The following ZNF536 variants were observed in gnomAD, a reference collection of about 807,000 sequenced individuals.
The protein encoded by ZNF536 is zinc finger protein 536.
In ZNF536, 13 loss-of-function variants were observed where a neutral mutation model predicts 84.5. That is an observed-to-expected ratio of 0.15 (90% confidence interval 0.10 to 0.24). The LOEUF is 0.24. Among genes scored for constraint, ZNF536 ranks in the 10% least tolerant of loss-of-function variants. The pLI, the probability that ZNF536 is intolerant of heterozygous loss-of-function variation, is 1.00. For missense variants in ZNF536, 1,536 were observed against 1,747.5 expected, an observed-to-expected ratio of 0.88 and a Z score of 2.16; for synonymous variants, 811 against 742.5, an observed-to-expected ratio of 1.09 and a Z score of -1.50.
intron 1 of ZNF536, among the ~76,000 whole-genome samples, chr19:30,656,919 G>A (rs1040335259): frequency 3.9e-5 from 6 of 152,304 alleles, no homozygotes; most frequent in Non-Finnish European, 7.4e-5. Flanking sequence ...TGCTTTGAAG[G>A]CCTTTCTTTC....
intron 1 of ZNF536, among the ~76,000 whole-genome samples, chr19:30,612,818 C>T (rs559289106): frequency 1.4e-4 from 21 of 152,140 alleles, no homozygotes; most frequent in Non-Finnish European, 2.2e-4. Flanking sequence ...TGCAGTATTA[C>T]GAATTAATCT....
intron 2 of ZNF536, among the ~76,000 whole-genome samples, chr19:30,325,848 C>G (rs1289930735): frequency 1.3e-5 from 2 of 152,132 alleles, no homozygotes; most frequent in Non-Finnish European, 2.9e-5. Flanking sequence ...CTGGGCTGCC[C>G]GGCTGTGCCA....
intron 1 of ZNF536, among the ~76,000 whole-genome samples, chr19:30,265,918 C>T (rs1306761530): frequency 1.3e-5 from 2 of 151,762 alleles, no homozygotes; most frequent in East Asian, 1.9e-4. Flanking sequence ...AGAGACAGGG[C>T]CTTGATCTGT....
chr19:30,471,444 G>C (rs552400232), intron 2 of ZNF536, among the ~76,000 whole-genome samples: 1 of 152,362 alleles, frequency 6.6e-6, no homozygotes, highest in East Asian at 1.9e-4. Context: ...ACCAAATTCA[G>C]GGTGCTTTTA....
chr19:30,325,440 G>T (rs907250270), intron 2 of ZNF536, among the ~76,000 whole-genome samples: 2 of 152,206 alleles, frequency 1.3e-5, no homozygotes, highest in Non-Finnish European at 1.5e-5. Context: ...TCTGAGCCCA[G>T]TTTCTTCACA....
chr19:30,636,826 G>T (rs748545374), intron 1 of ZNF536, among the ~76,000 whole-genome samples: 1 of 152,178 alleles, frequency 6.6e-6, no homozygotes, highest in Non-Finnish European at 1.5e-5. Context: ...GGGGCAGGCC[G>T]TGTCTTCTCT....
intron 2 of ZNF536, among the ~76,000 whole-genome samples, chr19:30,511,190 C>T (rs1178446101): frequency 6.6e-6 from 1 of 152,142 alleles, no homozygotes; most frequent in Non-Finnish European, 1.5e-5. Context: ...CCTTCCTTCC[C>T]CCACCAGACA....
chr19:30,590,011 C>T (rs2047221788), intron 1 of ZNF536, among the ~76,000 whole-genome samples: 1 of 152,174 alleles, frequency 6.6e-6, no homozygotes, highest in Admixed American at 6.5e-5. Flanking sequence ...ATATTTAGAA[C>T]CAGCCCACTG....
intron 2 of ZNF536, among the ~76,000 whole-genome samples, chr19:30,481,370 C>T (rs1195525769): frequency 1.3e-5 from 2 of 152,182 alleles, no homozygotes; most frequent in Non-Finnish European, 2.9e-5. Context: ...GGCTTCTTCC[C>T]TGTCACTGGG....
chr19:30,354,951 G>A (rs2048045290), intron 3 of ZNF536, among the ~76,000 whole-genome samples: 1 of 152,202 alleles, frequency 6.6e-6, no homozygotes, highest in Admixed American at 6.5e-5. Flanking sequence ...GACTTTCAGA[G>A]TTTCCTGCTG....
chr19:30,686,108 C>T (rs542796363), intron 1 of ZNF536, among the ~76,000 whole-genome samples: 1 of 152,192 alleles, frequency 6.6e-6, no homozygotes, highest in Non-Finnish European at 1.5e-5. Context: ...CTCACGTTCT[C>T]AGCTTCTGCA....
chr19:30,433,101 T>C (rs1223545529), intron 1 of ZNF536, among the ~76,000 whole-genome samples: 2 of 152,228 alleles, frequency 1.3e-5, no homozygotes, highest in Non-Finnish European at 2.9e-5. Context: ...CTCTGTCCCC[T>C]GAGCATTACA....
intron 1 of ZNF536, among the ~76,000 whole-genome samples, chr19:30,664,250 C>G (rs2050236008): frequency 6.8e-6 from 1 of 146,778 alleles, no homozygotes; most frequent in Non-Finnish European, 1.5e-5. Flanking sequence ...CTCTCTCTCT[C>G]TCTCTCTCTC....
intron 3 of ZNF536, among the ~76,000 whole-genome samples, chr19:30,363,192 G>A (rs1401537470): frequency 6.6e-6 from 1 of 152,186 alleles, no homozygotes; most frequent in African/African-American, 2.4e-5. Flanking sequence ...CAAAAGGAGG[G>A]GGACACAGTA....
intron 1 of ZNF536, among the ~76,000 whole-genome samples, chr19:30,695,942 C>T (rs965110104): frequency 1.3e-5 from 2 of 152,090 alleles, no homozygotes; most frequent in East Asian, 1.9e-4. Flanking sequence ...AGGAGGGAAG[C>T]GAGGGATATT....
At chr19:30,516,877 A>G (rs1051878443) in intron 2 of ZNF536, among the ~76,000 whole-genome samples, 3 of 152,154 alleles carry the variant, frequency 2.0e-5, no homozygotes, top group African/African-American at 7.2e-5. Flanking sequence ...AAAGGCAGGG[A>G]GGAGAAGGTC....
At chr19:30,689,455 C>T (rs771239290) in intron 1 of ZNF536, among the ~76,000 whole-genome samples, 5 of 152,176 alleles carry the variant, frequency 3.3e-5, no homozygotes, top group Non-Finnish European at 7.3e-5. Context: ...CTCATTGCTG[C>T]TTTCCTTTTT....
At chr19:30,268,601 C>A (rs542302725) in intron 1 of ZNF536, among the ~76,000 whole-genome samples, 4 of 152,266 alleles carry the variant, frequency 2.6e-5, no homozygotes, top group African/African-American at 7.2e-5. Flanking sequence ...TAACGACTTC[C>A]TTCTCCTACA....
chr19:30,490,096 G>A (rs2145076858), intron 2 of ZNF536, among the ~76,000 whole-genome samples: 1 of 152,264 alleles, frequency 6.6e-6, no homozygotes, highest in Non-Finnish European at 1.5e-5. Context: ...ATCTGACTTA[G>A]TCCAAGTTCA....
Sources: allele counts gnomAD v4.1 joint callset (sites outside exome capture counted in the v4.1 genomes callset), GRCh38; gene constraint gnomAD v4.1.1; transcripts MANE v1.5; gene names NCBI Gene and HGNC (gene_info 2026-07-23, HGNC 2026-07-21).